The following RPS6KA2 variants were observed in gnomAD, a reference collection of about 807,000 sequenced individuals.
The protein encoded by RPS6KA2 is ribosomal protein S6 kinase alpha-2.
RPS6KA2 carries 42 observed loss-of-function variants against 91.8 expected under a neutral mutation model. The observed-to-expected ratio is 0.46, with a 90% CI of 0.36 to 0.59. The LOEUF (loss-of-function observed/expected upper bound fraction) is 0.59. Among genes scored for constraint, RPS6KA2 ranks in the 20% least tolerant of loss-of-function variants. The pLI is 0.00. For missense variants in RPS6KA2, 798 were observed against 978.5 expected (o/e 0.82, Z 2.46); for synonymous variants, 414 against 393.6 (o/e 1.05, Z -0.61).
intron 3 of RPS6KA2, among the ~76,000 whole-genome samples, chr6:166,517,523 C>T (rs370510403): frequency 7.3e-6 from 1 of 137,724 alleles, no homozygotes. Context: ...GGCCGGACTG[C>T]GGACTGCAGT....
intron 2 of RPS6KA2, among the ~76,000 whole-genome samples, chr6:166,816,366 T>G (rs1017594745): frequency 4.2e-4 from 52 of 122,814 alleles, no homozygotes; most frequent in Admixed American, 1.1e-3. Context: ...GTCAACATGG[T>G]GAAACCCCGT....
chr6:166,610,196 C>A (rs544312700), intron 1 of RPS6KA2, among the ~76,000 whole-genome samples: 1 of 152,212 alleles, frequency 6.6e-6, no homozygotes, highest in African/African-American at 2.4e-5. Context: ...ACGTGAGGCA[C>A]GTCATTTGAT....
At chr6:166,565,974 G>T (rs1268024751) in intron 1 of RPS6KA2, among the ~76,000 whole-genome samples, 25 of 152,242 alleles carry the variant, frequency 1.6e-4, no homozygotes, top group Non-Finnish European at 1.8e-4. Flanking sequence ...GTGGACAACT[G>T]CCATGTGGTT....
chr6:166,678,213 T>C (rs1788671597), intron 2 of RPS6KA2, among the ~76,000 whole-genome samples: 1 of 152,196 alleles, frequency 6.6e-6, no homozygotes, highest in African/African-American at 2.4e-5. Context: ...CCACCTTATT[T>C]CCGGCCACTT....
chr6:166,647,032 C>T (rs1425724662), intron 2 of RPS6KA2, among the ~76,000 whole-genome samples: 5 of 152,210 alleles, frequency 3.3e-5, no homozygotes, highest in Non-Finnish European at 2.9e-5. Flanking sequence ...CCAAAGCCTC[C>T]GTGGATGTCC....
At chr6:166,602,696 A>G (rs977356612) in intron 1 of RPS6KA2, among the ~76,000 whole-genome samples, 2 of 152,214 alleles carry the variant, frequency 1.3e-5, no homozygotes, top group Non-Finnish European at 2.9e-5. Context: ...GAAGAAATAT[A>G]CAGGAGTGGT....
chr6:166,839,056 C>G (rs1780391255), intron 2 of RPS6KA2, among the ~76,000 whole-genome samples: 1 of 152,148 alleles, frequency 6.6e-6, no homozygotes, highest in African/African-American at 2.4e-5. Context: ...ACAGCCTCTG[C>G]CAACTCCTCG....
chr6:166,543,838 T>A (rs1165557991), intron 1 of RPS6KA2, among the ~76,000 whole-genome samples: 1 of 151,854 alleles, frequency 6.6e-6, no homozygotes, highest in African/African-American at 2.4e-5. Flanking sequence ...TGTGTGCGCA[T>A]GTGTACATGT....
At chr6:166,851,869 A>G (rs1780754221) in intron 2 of RPS6KA2, among the ~76,000 whole-genome samples, 1 of 152,252 alleles carries the variant, frequency 6.6e-6, no homozygotes. Flanking sequence ...GGATGTCTGC[A>G]GATGACAAGA....
chr6:166,689,802 T>C (rs1223775905), intron 2 of RPS6KA2, among the ~76,000 whole-genome samples: 6 of 152,242 alleles, frequency 3.9e-5, no homozygotes, highest in Admixed American at 3.9e-4. Flanking sequence ...AGCAGCTCTG[T>C]GCCCATGAGG....
chr6:166,651,536 C>T (rs183473872), intron 2 of RPS6KA2, among the ~76,000 whole-genome samples: 19 of 152,256 alleles, frequency 1.2e-4, no homozygotes, highest in Non-Finnish European at 2.2e-4. Flanking sequence ...GGGAAGACAA[C>T]GGAAATCCAA....
intron 1 of RPS6KA2, chr6:166,586,219 A>G: frequency 6.3e-7 from 1 of 1,591,758 alleles, no homozygotes; most frequent in Non-Finnish European, 8.5e-7. Context: ...TTGTTACCCC[A>G]GGATCGTCCA....
At chr6:166,488,648 G>C (rs1246325639) in intron 10 of RPS6KA2, among the ~76,000 whole-genome samples, 185 bp downstream of exon 10, 1 of 152,222 alleles carries the variant, frequency 6.6e-6, no homozygotes, top group Non-Finnish European at 1.5e-5. Flanking sequence ...TAGAAGCTGT[G>C]AAGGGGCCTT....
intron 1 of RPS6KA2, among the ~76,000 whole-genome samples, chr6:166,574,172 AC>A (rs1784773940): frequency 1.3e-5 from 2 of 152,338 alleles, no homozygotes; most frequent in South Asian, 2.1e-4. Context: ...CTTTAAAAAA[AC>A]ATTCTGGATT....
intron 1 of RPS6KA2, among the ~76,000 whole-genome samples, chr6:166,602,630 A>G (rs1221265247): frequency 6.6e-6 from 1 of 152,248 alleles, no homozygotes; most frequent in African/African-American, 2.4e-5. Context: ...CTCCATTTAT[A>G]TGACACGTAA....
rs2128473985 is a variant in RPS6KA2, at chr6:166,490,954, G to A, written c.748-213C>T. ...CATTTGGTGGGTGAGACGGGTAAAT[G>A]ACAGATGTGGTAGATAATCACACTC... is the stretch of plus-strand genomic sequence containing the variant. On this transcript the variant is annotated intron_variant, in intron 8 of 20. Coordinates refer to ENST00000265678, the MANE Select transcript of RPS6KA2 (RefSeq NM_021135.6). The surrounding 1 kb of genome is among the most constrained non-coding windows in gnomAD (Gnocchi z 4.2). Among the ~76,000 whole-genome samples the A allele has an allele frequency of 6.6e-6, 1 of 152,322 alleles. No homozygotes were observed. Among genetic ancestry groups the A allele is most frequent in the East Asian group, 1.9e-4 (1 of 5,184 alleles).
intron 1 of RPS6KA2, among the ~76,000 whole-genome samples, chr6:166,606,742 A>C (rs1785968677): frequency 6.6e-6 from 1 of 152,236 alleles, no homozygotes; most frequent in South Asian, 2.1e-4. Context: ...AAGATGCTCT[A>C]CATCATTTGT....
chr6:166,647,748 GCA>G (rs756662534), intron 2 of RPS6KA2, among the ~76,000 whole-genome samples: 56 of 150,634 alleles, frequency 3.7e-4, no homozygotes, highest in African/African-American at 5.8e-4. Context: ...ACACATACAT[GCA>G]CACACACACA....
chr6:166,591,727 A>AT (rs1219750283), intron 1 of RPS6KA2, among the ~76,000 whole-genome samples: 2 of 152,206 alleles, frequency 1.3e-5, no homozygotes, highest in African/African-American at 4.8e-5. Context: ...CTGTGAGAGC[A>AT]TAAACTCCTG....
Sources: gnomAD v4.1 joint callset for allele counts (sites outside exome capture counted in the v4.1 genomes callset) on GRCh38, gnomAD v4.1.1 for gene constraint, Gnocchi (gnomAD v3.1) non-coding constraint, MANE v1.5 for transcripts, NCBI Gene and HGNC (gene_info 2026-07-23, HGNC 2026-07-21) for gene names.